GPATCH2: variants seen among roughly 807,000 people sequenced by gnomAD.
GPATCH2 encodes the protein G patch domain-containing protein 2.
A neutral mutation model predicts 58.0 loss-of-function variants in GPATCH2; 51 were observed. The observed-to-expected ratio is 0.88, with a 90% CI of 0.70 to 1.11. The LOEUF is 1.11. Ranked by LOEUF, GPATCH2 falls within the 50% of genes most tolerant of loss-of-function variation. The pLI is 0.00. For synonymous variants in GPATCH2, 222 were observed against 218.5 expected, an observed-to-expected ratio of 1.02 and a Z score of -0.14; for missense variants, 625 against 652.2, an observed-to-expected ratio of 0.96 and a Z score of 0.45.
At chr1:217,468,785 C>T (rs2102498741) in intron 8 of GPATCH2, among the ~76,000 whole-genome samples, 1 of 151,642 alleles carries the variant, frequency 6.6e-6, no homozygotes, top group South Asian at 2.1e-4. Context: ...TAGAGAAACA[C>T]ACTGATGTAT....
At chr1:217,547,165 C>A (rs74727121) in intron 5 of GPATCH2, among the ~76,000 whole-genome samples, 3 of 151,882 alleles carry the variant, frequency 2.0e-5, no homozygotes, top group African/African-American at 7.3e-5. Context: ...AGTTCAAGAC[C>A]ACCCTGGCCA....
intron 5 of GPATCH2, among the ~76,000 whole-genome samples, chr1:217,573,209 T>C (rs1363132177): frequency 6.6e-6 from 1 of 152,204 alleles, no homozygotes; most frequent in Non-Finnish European, 1.5e-5. Context: ...TACCCTCCAA[T>C]GGCTCTTTGT....
rs533712897 is a variant in GPATCH2, at chr1:217,580,993, G to A, written c.1098+29328C>T. ...CACTGCAGTCCGCAGTCCAGCCTGG[G>A]CGACAGAGCGAGACTCCGTCTCAAA... On this transcript the variant is annotated intron_variant, in intron 5 of 9. Transcript: ENST00000366935. Among the ~76,000 whole-genome samples the A allele has an allele frequency of 1.6e-4, 6 of 36,882 alleles. 3 individuals carry two copies. Among genetic ancestry groups the A allele is most frequent in the Non-Finnish European group, 2.3e-4 (4 of 17,400 alleles). 24.2% of individuals were successfully genotyped at this position (36,882 alleles called of 152,430 possible). A position where few individuals can be genotyped will look rare whatever the true frequency, so the allele number is the denominator to read the frequency against.
chr1:217,507,840 T>C (rs1662636201), intron 6 of GPATCH2, among the ~76,000 whole-genome samples: 1 of 152,162 alleles, frequency 6.6e-6, no homozygotes, highest in Admixed American at 6.5e-5. Flanking sequence ...GGTTGAGCGA[T>C]GTGTAGTGTG....
intron 5 of GPATCH2, among the ~76,000 whole-genome samples, chr1:217,545,754 T>C (rs191339723): frequency 9.2e-5 from 14 of 152,248 alleles, no homozygotes; most frequent in Non-Finnish European, 1.9e-4. Flanking sequence ...CCCTGATGTA[T>C]AGAAAACTAA....
chr1:217,588,618 A>C (rs561713843), intron 5 of GPATCH2, among the ~76,000 whole-genome samples: 1 of 152,334 alleles, frequency 6.6e-6, no homozygotes, highest in African/African-American at 2.4e-5. Context: ...TAAAAAATAA[A>C]ATAAATAGTG....
chr1:217,507,679 CA>C (rs2102565704), intron 6 of GPATCH2, among the ~76,000 whole-genome samples: 1 of 152,174 alleles, frequency 6.6e-6, no homozygotes, highest in South Asian at 2.1e-4. Flanking sequence ...ACTTTTATTC[CA>C]TAAGTTTTAA....
intron 6 of GPATCH2, among the ~76,000 whole-genome samples, chr1:217,505,606 TCC>T (rs1440813245): frequency 6.6e-6 from 1 of 152,060 alleles, no homozygotes; most frequent in East Asian, 1.9e-4. Flanking sequence ...AACTGAGGTC[TCC>T]TAAAAATGTA....
At chr1:217,474,048 T>C (rs544008598) in intron 8 of GPATCH2, among the ~76,000 whole-genome samples, 9 of 152,336 alleles carry the variant, frequency 5.9e-5, no homozygotes, top group African/African-American at 2.2e-4. Context: ...TTATTTACAA[T>C]AAACGTATGA....
chr1:217,564,307 A>T (rs1260798817), intron 5 of GPATCH2, among the ~76,000 whole-genome samples: 1 of 152,218 alleles, frequency 6.6e-6, no homozygotes, highest in African/African-American at 2.4e-5. Context: ...AAAACGAGGC[A>T]TGTAAGGAGA....
chr1:217,583,280 T>C (rs528979276), intron 5 of GPATCH2, among the ~76,000 whole-genome samples: 7 of 152,170 alleles, frequency 4.6e-5, no homozygotes, highest in African/African-American at 1.4e-4. Flanking sequence ...TCTAAAAAGA[T>C]AGAAGACTGA....
At chr1:217,563,283 G>C (rs1047254958) in intron 5 of GPATCH2, among the ~76,000 whole-genome samples, 1 of 151,886 alleles carries the variant, frequency 6.6e-6, no homozygotes, top group African/African-American at 2.4e-5. Context: ...ATATATTCAG[G>C]AACCTTAAAA....
At chr1:217,444,473 T>A (rs1659291058) in intron 9 of GPATCH2, among the ~76,000 whole-genome samples, 1 of 152,228 alleles carries the variant, frequency 6.6e-6, no homozygotes, top group Non-Finnish European at 1.5e-5. Context: ...TTTTCAGGTG[T>A]TCGGTAGTTT....
At chr1:217,526,041 T>C (rs1339025782) in intron 5 of GPATCH2, among the ~76,000 whole-genome samples, 1 of 152,190 alleles carries the variant, frequency 6.6e-6, no homozygotes, top group African/African-American at 2.4e-5. Flanking sequence ...ATTTCTACTA[T>C]TTTTCAAAGT....
Position 217,620,284 on chromosome 1 carries a change from C to A in GPATCH2, c.272G>T (p.Gly91Val), listed in dbSNP as rs1457339352. Residue 91 changes from glycine to valine, a missense_variant, in exon 2 of 10, where the codon GGC becomes GTC. Physicochemically the swap from Gly to Val is moderately radical, Grantham distance 109. Coordinates refer to ENST00000366935, the MANE Select transcript of GPATCH2 (RefSeq NM_018040.5). ...TGGTTCTTCTAAACTAGAATCAGAG[C>A]CTTCACTTAAGCAGTGACCAGTCTC... is the stretch of plus-strand genomic sequence containing the variant. ...PWETGHCLSE[G>V]SDSSLEEPSK... is the part of the protein sequence containing the mutation. The A allele has an allele frequency of 4.3e-6, 7 of 1,613,694 alleles. No individual in the cohort carries two copies. Among genetic ancestry groups the A allele is most frequent in the African/African-American group, 2.7e-5 (2 of 74,916 alleles).
chr1:217,629,977 C>A (rs964844912), intron 1 of GPATCH2, among the ~76,000 whole-genome samples: 4 of 152,144 alleles, frequency 2.6e-5, no homozygotes, highest in Non-Finnish European at 5.9e-5. Flanking sequence ...TTTGCAGAAT[C>A]TAGGAATGAA....
chr1:217,583,204 A>G (rs1479586120), intron 5 of GPATCH2, among the ~76,000 whole-genome samples: 1 of 152,196 alleles, frequency 6.6e-6, no homozygotes. Context: ...AAACAATGAA[A>G]TGAAAACTAG....
chr1:217,432,835 G>A (rs578176771), intron 9 of GPATCH2, among the ~76,000 whole-genome samples: 1 of 152,114 alleles, frequency 6.6e-6, no homozygotes, highest in African/African-American at 2.4e-5. Flanking sequence ...TTACACCAGG[G>A]CTCAAATTTA....
chr1:217,605,082 A>G (rs1165460476), intron 5 of GPATCH2, among the ~76,000 whole-genome samples: 1 of 152,190 alleles, frequency 6.6e-6, no homozygotes, highest in Non-Finnish European at 1.5e-5. Context: ...GCTATAAAGT[A>G]GACTAAATAT....
Sources: allele counts gnomAD v4.1 joint callset (sites outside exome capture counted in the v4.1 genomes callset), GRCh38; gene constraint gnomAD v4.1.1; transcripts MANE v1.5; gene names NCBI Gene and HGNC (gene_info 2026-07-23, HGNC 2026-07-21).